Variants in HLA-DPA1 observed in about 807,000 individuals in gnomAD.
HLA-DPA1 encodes major histocompatibility complex, class II, DP alpha 1, also known as HLA class II histocompatibility antigen, DP alpha 1 chain.
Under a neutral mutation model 21.5 loss-of-function variants are expected in HLA-DPA1, and 20 were observed. That is an observed-to-expected ratio of 0.93 (90% CI 0.66 to 1.35). The LOEUF (loss-of-function observed/expected upper bound fraction) is 1.35. HLA-DPA1 is among the 40% of genes most tolerant of loss of function. The pLI, the probability that HLA-DPA1 is intolerant of heterozygous loss-of-function variation, is 0.00. For synonymous variants in HLA-DPA1, 123 were observed against 129.6 expected, an observed-to-expected ratio of 0.95 and a Z score of 0.35; for missense variants, 279 against 323.0, an observed-to-expected ratio of 0.86 and a Z score of 1.05.
intron 2 of HLA-DPA1, 116 bp downstream of exon 1, chr6:33,073,355 A>T: frequency 2.8e-6 from 2 of 704,064 alleles, no homozygotes; most frequent in South Asian, 3.3e-5. Context: ...GGGAACATAG[A>T]CTATGAGGAC....
Position 33,069,640 on chromosome 6 carries a change from C to A in HLA-DPA1, c.346+1G>T. On this transcript the variant is annotated splice_donor_variant, in intron 3 of 5. Coordinates refer to ENST00000419277, the Ensembl canonical transcript of HLA-DPA1. LOFTEE classifies it high-confidence loss of function. ...GAGGAAGAGGCAAAGATAGGGCGTA[C>A]CGTTGGTGGCCTGAGTGTGGTTGGA... 6.2e-7 allele frequency: 1 copy of A among 1,612,036 alleles called. No homozygotes were observed. The highest frequency in any genetic ancestry group is 8.5e-7 in the Non-Finnish European group (1 of 1,179,390).
rs143176269 is a variant in HLA-DPA1 at position 33,073,394 on chromosome 6, G to C, written c.100+77C>G. 1,741 of 911,462 alleles carry C rather than the reference G, an allele frequency of 1.9e-3. 23 individuals are homozygous for C. The highest frequency in any genetic ancestry group is 0.013 in the East Asian group (539 of 41,748). The allele number at this position is 911,462 out of a possible 1,614,324, so 56.5% of individuals were successfully genotyped here. The stretch of plus-strand genomic sequence containing the variant: ...ATAGATCAATGAGCCCCTAAAATCT[G>C]TGATCCCTGAAGCAGCAATTGATGT... On this transcript the variant is annotated intron_variant, in intron 2 of 5. Transcript: ENST00000419277.
chr6:33,073,168 A>C, intron 2 of HLA-DPA1, among the ~76,000 whole-genome samples: 1 of 152,204 alleles, frequency 6.6e-6, no homozygotes, highest in East Asian at 1.9e-4. Context: ...TGGAAAACTT[A>C]TTCATCTTTT....
intron 1 of HLA-DPA1, chr6:33,073,892 C>T (rs1292037364): frequency 3.7e-6 from 1 of 271,584 alleles, no homozygotes; most frequent in African/African-American, 2.2e-5. Context: ...CTTCTGACGG[C>T]AAATGTTTTC....
At chr6:33,074,364 C>T (rs901573868) in intron 1 of HLA-DPA1, among the ~76,000 whole-genome samples, 3 of 152,096 alleles carry the variant, frequency 2.0e-5, no homozygotes, top group East Asian at 1.9e-4. Context: ...ACAGCATTAC[C>T]TGTGGTAACA....
At chr6:33,075,620 T>C (rs1420770577) in intron 1 of HLA-DPA1, among the ~76,000 whole-genome samples, 2 of 152,166 alleles carry the variant, frequency 1.3e-5, no homozygotes, top group African/African-American at 2.4e-5. Context: ...TAGCACTTTT[T>C]CCACAACAGA....
At chr6:33,068,612 C>A in intron 5 of HLA-DPA1, 26 bp downstream of exon 4, 1 of 1,547,918 alleles carries the variant, frequency 6.5e-7, no homozygotes, top group Middle Eastern at 1.7e-4. Context: ...TCTACAAATC[C>A]TAGGGCCTCC....
chr6:33,075,985 C>A, intron 1 of HLA-DPA1: 3 of 1,308,340 alleles, frequency 2.3e-6, no homozygotes, highest in Non-Finnish European at 3.3e-6. Flanking sequence ...CTCCCTTTAG[C>A]GAGTCCTTCT....
Position 33,080,510 on chromosome 6 carries a change from G to A in HLA-DPA1, c.-100+170C>T. ...GAAAACAGGCCTGGAGAGGCTCTGCGACCCGCTTAGGACCACAGAACTCGG... is the reference window on the plus strand; with the variant it reads ...GAAAACAGGCCTGGAGAGGCTCTGCAACCCGCTTAGGACCACAGAACTCGG... On this transcript the variant is annotated intron_variant, in intron 1 of 5. Transcript: ENST00000419277. This position sits in a 1 kb window ranked among gnomAD's most constrained non-coding sequence, Gnocchi z 4.3. The A allele has an allele frequency of 2.0e-6, 2 of 1,022,040 alleles. No individual in the cohort carries two copies. The highest frequency in any genetic ancestry group is 3.0e-6 in the Non-Finnish European group (2 of 665,514). The allele number at this position is 1,022,040 out of a possible 1,614,324, so 63.3% of individuals were successfully genotyped here.
rs148896979 is a variant in HLA-DPA1, at chr6:33,073,572, T to C, written c.-2A>G. On this transcript the variant is annotated 5_prime_UTR_variant, in exon 2 of 6. Coordinates refer to ENST00000419277, the Ensembl canonical transcript of HLA-DPA1. ...GAACATTCTGTCTTCAGGGCGCATG[T>C]TGTGGGGTCTATAATTGATGACTGT... 1.3e-3 allele frequency: 2,116 copies of C among 1,607,838 alleles called. 36 individuals are homozygous for C. In the East Asian group the frequency reaches 0.014, roughly 11 times the overall value.
chr6:33,073,868 A>G (rs141506406), intron 1 of HLA-DPA1: 11 of 346,000 alleles, frequency 3.2e-5, no homozygotes, highest in African/African-American at 6.3e-5. Flanking sequence ...ATGTAAAAAG[A>G]TAAGTTACAC....
intron 5 of HLA-DPA1, chr6:33,067,746 A>G (rs951499049): frequency 1.3e-5 from 2 of 152,232 alleles, no homozygotes; most frequent in Non-Finnish European, 2.9e-5. Context: ...CAGAGGATCT[A>G]TGCAAATAAA....
rs72879615 is a variant in HLA-DPA1 at position 33,070,178 on chromosome 6, T to A, written c.101-292A>T. Among the ~76,000 whole-genome samples the A allele has an allele frequency of 0.19, 29,486 of 152,134 alleles. 3,470 individuals carry two copies. Among genetic ancestry groups the A allele is most frequent in the African/African-American group, 0.32 (13,347 of 41,464 alleles). ...GCATCCTGACCCTACACAATAGTAATAGTAACAATGACAGCTAACATTTGT... is the reference window on the plus strand; with the variant it reads ...GCATCCTGACCCTACACAATAGTAAAAGTAACAATGACAGCTAACATTTGT... On this transcript the variant is annotated intron_variant, in intron 2 of 5. Transcript: ENST00000419277.
At position 33,080,472 on chromosome 6, in the gene HLA-DPA1, CT is replaced by C. The variant is rs1396097432; in HGVS notation, c.-100+207del. On this transcript the variant is annotated intron_variant, in intron 1 of 5. Coordinates refer to ENST00000419277, the Ensembl canonical transcript of HLA-DPA1. The surrounding 1 kb of genome is among the most constrained non-coding windows in gnomAD (Gnocchi z 4.3). ...GCTCATTCTTTTCAGTAAATTCTCT[CT>C]CTGCGTGGTGAGAAAACAGGCCTGG... The C allele has an allele frequency of 1.7e-5, 13 of 765,780 alleles. No homozygotes were observed. Among genetic ancestry groups the C allele is most frequent in the Non-Finnish European group, 2.8e-5 (12 of 432,702 alleles). 47.4% of individuals were successfully genotyped at this position (765,780 alleles called of 1,614,324 possible). A position where few individuals can be genotyped will look rare whatever the true frequency, so the allele number is the denominator to read the frequency against.
At chr6:33,068,904 T>G in intron 4 of HLA-DPA1, 100 bp from the exon 4 acceptor site, 1 of 1,538,562 alleles carries the variant, frequency 6.5e-7, no homozygotes, top group Non-Finnish European at 8.9e-7. Context: ...GTTAATTGGA[T>G]GTTAGGACGA....
chr6:33,072,955 T>C (rs1290822499), intron 2 of HLA-DPA1, among the ~76,000 whole-genome samples: 1 of 152,078 alleles, frequency 6.6e-6, no homozygotes, highest in Non-Finnish European at 1.5e-5. Context: ...ACAGAAACAC[T>C]CTTTGCACTT....
At position 33,070,969 on chromosome 6, in the gene HLA-DPA1, A is replaced by C. The variant is rs561704213; in HGVS notation, c.101-1083T>G. Among the ~76,000 whole-genome samples the C allele has an allele frequency of 1.2e-4, 19 of 152,352 alleles. No individual in the cohort carries two copies. In the South Asian group the frequency reaches 3.9e-3, roughly 32 times the overall value. ...TAGCAAAGATAAGAGGATAAAAGCA[A>C]CTATTATCATGAAAGAAAACGATGA... On this transcript the variant is annotated intron_variant, in intron 2 of 5. Transcript: ENST00000419277.
Position 33,073,553 on chromosome 6 carries a change from T to C in HLA-DPA1, c.18A>G (p.Arg6=), listed in dbSNP as rs745775080. 5 of 1,612,700 alleles carry C rather than the reference T, an allele frequency of 3.1e-6. No individual in the cohort carries two copies. In the South Asian group the frequency reaches 5.5e-5, roughly 18 times the overall value. The change falls in exon 2 of 6, where the codon AGA becomes AGG. Residue 6 remains arginine, a synonymous_variant. Coordinates refer to ENST00000419277, the Ensembl canonical transcript of HLA-DPA1. Reference sequence around the variant, plus strand: ...AGATCACAGCTCTGATATGGAACATTCTGTCTTCAGGGCGCATGTTGTGGG... The same window carrying C: ...AGATCACAGCTCTGATATGGAACATCCTGTCTTCAGGGCGCATGTTGTGGG...
intron 3 of HLA-DPA1, 95 bp downstream of exon 2, chr6:33,069,546 A>AG: frequency 6.9e-7 from 1 of 1,454,034 alleles, no homozygotes; most frequent in Non-Finnish European, 9.5e-7. Context: ...ATCACACAGC[A>AG]GGGGGCACTT....
Sources: gnomAD v4.1 joint callset for allele counts (sites outside exome capture counted in the v4.1 genomes callset) on GRCh38, gnomAD v4.1.1 for gene constraint, Gnocchi (gnomAD v3.1) non-coding constraint, MANE v1.5 for transcripts, NCBI Gene and HGNC (gene_info 2026-07-23, HGNC 2026-07-21) for gene names.